PCDHA4: variants seen among roughly 807,000 people sequenced by gnomAD.
PCDHA4 encodes protocadherin alpha 4, also known as protocadherin alpha-4.
In PCDHA4, 49 loss-of-function variants were observed where a neutral mutation model predicts 61.4. The ratio of observed to expected loss-of-function variants is 0.80; its 90% CI spans 0.63 to 1.01. The LOEUF (loss-of-function observed/expected upper bound fraction) is 1.01. PCDHA4 is among the 50% of genes least tolerant of loss of function. The probability of loss-of-function intolerance (pLI) is 0.00; values close to 1 mark genes in which losing one functional copy is unlikely to be tolerated. For synonymous variants in PCDHA4, 590 were observed against 550.3 expected (o/e 1.07, Z -1.01); for missense variants, 1,254 against 1,235.8 (o/e 1.01, Z -0.22).
chr5:141,004,094 G>A (rs962663466), intron 3 of PCDHA4, among the ~76,000 whole-genome samples: 1 of 152,194 alleles, frequency 6.6e-6, no homozygotes, highest in Non-Finnish European at 1.5e-5. Context: ...TGCTTCTTCC[G>A]TTTTCATCTT....
At chr5:140,931,791 T>A (rs1168945699) in intron 1 of PCDHA4, among the ~76,000 whole-genome samples, 1 of 152,016 alleles carries the variant, frequency 6.6e-6, no homozygotes, top group African/African-American at 2.4e-5. Context: ...CCTATTGATC[T>A]GATCTTAATT....
intron 1 of PCDHA4, among the ~76,000 whole-genome samples, chr5:140,951,086 T>A (rs2094547457): frequency 6.6e-6 from 1 of 152,066 alleles, no homozygotes; most frequent in Admixed American, 6.5e-5. Context: ...ATTTTCCTTT[T>A]TTTCTGATAA....
intron 1 of PCDHA4, chr5:140,830,208 C>T (rs2150182754): frequency 2.0e-5 from 32 of 1,613,688 alleles, no homozygotes; most frequent in Non-Finnish European, 2.6e-5. Context: ...GCCATCTGCG[C>T]GGTATCCAGC....
intron 1 of PCDHA4, chr5:140,877,218 G>A: frequency 6.2e-7 from 1 of 1,613,726 alleles, no homozygotes; most frequent in Non-Finnish European, 8.5e-7. Context: ...AGTTGGTACC[G>A]CGGTCGGTGG....
intron 2 of PCDHA4, 80 bp downstream of exon 2, chr5:140,979,087 A>C (rs1284249394): frequency 6.4e-7 from 1 of 1,561,170 alleles, no homozygotes; most frequent in Non-Finnish European, 8.7e-7. Flanking sequence ...CATAGGCCAG[A>C]AGCAGCTGTC....
chr5:140,928,690 A>AT lies in PCDHA4; in HGVS notation c.2386-50258dup, dbSNP rs2085447249. On this transcript the variant is annotated intron_variant, in intron 1 of 3. Transcript: ENST00000530339. ...TTCTAATGCCTGGCTTTCCTACCAC[A>AT]TCTCCCGGGCGTCTGACTCTAGTCT... 6 of 1,614,180 alleles carry AT rather than the reference A, an allele frequency of 3.7e-6. No homozygotes were observed. The African/African-American group carries it at 4.0e-5, about 11-fold the overall frequency.
At position 140,990,539 on chromosome 5, in the gene PCDHA4, A is replaced by G. The variant is rs2097398985; in HGVS notation, c.2533+7976A>G. ...TGTCTTTTTTGACTGTGCATCATAG[A>G]TACTGTATTACCCAAGAACACACAC... is the stretch of plus-strand genomic sequence containing the variant. On this transcript the variant is annotated intron_variant, in intron 3 of 3. Transcript: ENST00000530339. Among the ~76,000 whole-genome samples the G allele has an allele frequency of 2.6e-5, 4 of 152,262 alleles. No homozygotes were observed. In the South Asian group the frequency reaches 6.2e-4, roughly 24 times the overall value.
At chr5:140,891,827 A>G (rs943963989) in intron 1 of PCDHA4, among the ~76,000 whole-genome samples, 1 of 152,212 alleles carries the variant, frequency 6.6e-6, no homozygotes, top group Non-Finnish European at 1.5e-5. Flanking sequence ...ACGGCACTGT[A>G]AAAGGACTTG....
chr5:141,004,768 A>G (rs2098180289), intron 3 of PCDHA4, among the ~76,000 whole-genome samples: 1 of 152,160 alleles, frequency 6.6e-6, no homozygotes, highest in Non-Finnish European at 1.5e-5. Flanking sequence ...CAGGACCTGT[A>G]TTTTAAAGGT....
In PCDHA4 at chr5:140,847,506, T is replaced by C. The variant is rs1397904253; in HGVS notation, c.2385+37934T>C. ...GATAGTAAAACTCACAACAAAACTT[T>C]GTAGAACTTAGTCAGGAAAAGAATC... On this transcript the variant is annotated intron_variant, in intron 1 of 3. Transcript: ENST00000530339. 2.0e-5 allele frequency: 3 copies of C among 149,790 alleles called. No individual in the cohort carries two copies. The Admixed American group carries it at 2.0e-4, about 10-fold the overall frequency. The allele number at this position is 149,790 out of a possible 1,614,324, so 9.3% of individuals were successfully genotyped here. A position where few individuals can be genotyped will look rare whatever the true frequency, so the allele number is the denominator to read the frequency against.
At chr5:140,888,958 A>G (rs1174377099) in intron 1 of PCDHA4, among the ~76,000 whole-genome samples, 1 of 152,010 alleles carries the variant, frequency 6.6e-6, no homozygotes, top group African/African-American at 2.4e-5. Flanking sequence ...TTTCTTTGGC[A>G]ATGTTAATGT....
At chr5:140,863,351 C>T in intron 1 of PCDHA4, 1 of 1,288,680 alleles carries the variant, frequency 7.8e-7, no homozygotes, top group Non-Finnish European at 1.1e-6. Context: ...CTGTACACGA[C>T]GCTGCGGTGC....
intron 1 of PCDHA4, among the ~76,000 whole-genome samples, chr5:140,937,353 T>C (rs2091494629): frequency 6.6e-6 from 1 of 152,146 alleles, no homozygotes; most frequent in Admixed American, 6.5e-5. Context: ...ATTTATTTTA[T>C]TATTTTATCT....
intron 3 of PCDHA4, among the ~76,000 whole-genome samples, chr5:140,994,117 G>A (rs889813029): frequency 2.6e-5 from 4 of 152,198 alleles, no homozygotes; most frequent in Admixed American, 6.5e-5. Flanking sequence ...ATTGTCATGT[G>A]ATAAGGGCGA....
At chr5:140,875,886 A>C (rs201813340) in intron 1 of PCDHA4, 1 of 1,614,176 alleles carries the variant, frequency 6.2e-7, no homozygotes, top group Non-Finnish European at 8.5e-7. Flanking sequence ...AAAGGGAACA[A>C]AAGGTACCTG....
intron 1 of PCDHA4, among the ~76,000 whole-genome samples, chr5:140,890,025 T>G (rs1438426095): frequency 2.0e-5 from 3 of 152,178 alleles, no homozygotes; most frequent in African/African-American, 7.2e-5. Context: ...TGTAGAAGGC[T>G]TCAGGTGACT....
chr5:140,912,113 A>C (rs1477558453), intron 1 of PCDHA4, among the ~76,000 whole-genome samples: 3 of 152,182 alleles, frequency 2.0e-5, no homozygotes, highest in African/African-American at 7.2e-5. Flanking sequence ...GTAGGCTGGG[A>C]GGCTAAGTCA....
intron 1 of PCDHA4, chr5:140,875,915 T>C: frequency 6.2e-7 from 1 of 1,614,214 alleles, no homozygotes; most frequent in Non-Finnish European, 8.5e-7. Context: ...TCTGCGCCTC[T>C]GGACTCTCAT....
At chr5:140,853,308 C>T in intron 1 of PCDHA4, 1 of 983,184 alleles carries the variant, frequency 1.0e-6, no homozygotes, top group Non-Finnish European at 1.2e-6. Context: ...CTGTGAACAC[C>T]TTAGTAATAA....
Sources: allele counts gnomAD v4.1 joint callset (sites outside exome capture counted in the v4.1 genomes callset), GRCh38; gene constraint gnomAD v4.1.1; transcripts MANE v1.5; gene names NCBI Gene and HGNC (gene_info 2026-07-23, HGNC 2026-07-21).